NRXN3: variants seen among roughly 807,000 people sequenced by gnomAD.
The protein encoded by NRXN3 is neurexin 3, also known as neurexin III.
Under a neutral mutation model 137.6 loss-of-function variants are expected in NRXN3, and 32 were observed. That is an observed-to-expected ratio of 0.23 (90% confidence interval 0.18 to 0.31). NRXN3 has a LOEUF of 0.31. Among genes scored for constraint, NRXN3 ranks in the 10% least tolerant of loss-of-function variants. NRXN3 has a pLI of 1.00. For synonymous variants in NRXN3, 798 were observed against 784.5 expected, an observed-to-expected ratio of 1.02 and a Z score of -0.29; for missense variants, 1,574 against 2,062.5, an observed-to-expected ratio of 0.76 and a Z score of 4.59.
At chr14:78,674,384 C>T (rs1244101769) in intron 6 of NRXN3, among the ~76,000 whole-genome samples, 1 of 152,190 alleles carries the variant, frequency 6.6e-6, no homozygotes, top group Non-Finnish European at 1.5e-5. Flanking sequence ...ATGCACCCTA[C>T]TCCAAGCACA....
At chr14:79,269,043 C>T (rs765113477) in intron 15 of NRXN3, among the ~76,000 whole-genome samples, 1 of 150,236 alleles carries the variant, frequency 6.7e-6, no homozygotes, top group African/African-American at 2.4e-5. Flanking sequence ...TTTTATTTTT[C>T]TTATTTTATT....
intron 16 of NRXN3, among the ~76,000 whole-genome samples, chr14:79,591,500 G>A (rs1293745018): frequency 6.6e-6 from 1 of 152,126 alleles, no homozygotes. Flanking sequence ...TGAAGCTTAA[G>A]TTAAAACAAA....
chr14:79,215,688 C>T (rs2068385829), intron 15 of NRXN3, among the ~76,000 whole-genome samples: 1 of 152,088 alleles, frequency 6.6e-6, no homozygotes, highest in African/African-American at 2.4e-5. Flanking sequence ...CCCACTGAGT[C>T]CCTCCCGCAA....
At chr14:78,632,584 T>A (rs10147519) in intron 4 of NRXN3, among the ~76,000 whole-genome samples, 14 of 152,272 alleles carry the variant, frequency 9.2e-5, no homozygotes, top group African/African-American at 2.2e-4. Flanking sequence ...CTGGAAATAT[T>A]AGAAGGATTT....
At chr14:79,626,865 T>A (rs2098287241) in intron 16 of NRXN3, among the ~76,000 whole-genome samples, 1 of 152,198 alleles carries the variant, frequency 6.6e-6, no homozygotes, top group East Asian at 1.9e-4. Context: ...TACATAGAAA[T>A]AAATAAAGAA....
chr14:79,754,369 G>A (rs1357779430), intron 19 of NRXN3, among the ~76,000 whole-genome samples: 1 of 150,692 alleles, frequency 6.6e-6, no homozygotes, highest in Non-Finnish European at 1.5e-5. Context: ...TAAAGTACAG[G>A]GAGGATGTGT....
intron 1 of NRXN3, among the ~76,000 whole-genome samples, chr14:78,185,604 A>G (rs767266380): frequency 3.3e-5 from 5 of 152,208 alleles, no homozygotes; most frequent in African/African-American, 4.8e-5. Context: ...TGGGGTTCAC[A>G]TGAGTAAAAT....
intron 19 of NRXN3, among the ~76,000 whole-genome samples, chr14:79,773,529 CA>C (rs1207025676): frequency 6.7e-6 from 1 of 149,276 alleles, no homozygotes; most frequent in Non-Finnish European, 1.5e-5. Context: ...ATCGCAAGAA[CA>C]AACAACCAAA....
chr14:78,863,870 A>C lies in NRXN3; in HGVS notation c.2275+53526A>C, dbSNP rs566476921. 4.6e-5 allele frequency among the ~76,000 whole-genome samples: 7 copies of C among 152,290 alleles called. No homozygotes were observed. The South Asian group carries it at 1.0e-3, about 23-fold the overall frequency. On this transcript the variant is annotated intron_variant, in intron 10 of 20. Coordinates refer to ENST00000335750, the MANE Select transcript of NRXN3 (RefSeq NM_001330195.2). ...ATCATCATTATAAATTCAATGAGTCAGAATGGTTTAATTGAAATTCTTCAT... is the reference window on the plus strand; with the variant it reads ...ATCATCATTATAAATTCAATGAGTCCGAATGGTTTAATTGAAATTCTTCAT...
chr14:79,493,986 A>G (rs1487684217), intron 16 of NRXN3, among the ~76,000 whole-genome samples: 1 of 152,208 alleles, frequency 6.6e-6, no homozygotes, highest in South Asian at 2.1e-4. Flanking sequence ...ATAGGGTCCT[A>G]GTCTTCTTGC....
At position 78,740,834 on chromosome 14, in the gene NRXN3, T is replaced by A. The variant is rs202067067; in HGVS notation, c.2044+25695T>A. 0.013 allele frequency among the ~76,000 whole-genome samples: 1,919 copies of A among 152,292 alleles called. 70 individuals are homozygous for A. The East Asian group carries it at 0.16, about 13-fold the overall frequency. ...ATTTATATTTTTTCTGGTTATGACT[T>A]TTTTTTCTTTTGGTTAGCTCTGATA... On this transcript the variant is annotated intron_variant, in intron 8 of 20. Coordinates refer to ENST00000335750, the MANE Select transcript of NRXN3 (RefSeq NM_001330195.2).
chr14:78,932,326 C>CT (rs1027666638), intron 10 of NRXN3, among the ~76,000 whole-genome samples: 1 of 152,098 alleles, frequency 6.6e-6, no homozygotes, highest in Non-Finnish European at 1.5e-5. Context: ...TTATTTTTCT[C>CT]TGTCAGGTGC....
chr14:79,140,269 G>A (rs2058668510), intron 15 of NRXN3, among the ~76,000 whole-genome samples: 1 of 152,076 alleles, frequency 6.6e-6, no homozygotes, highest in Non-Finnish European at 1.5e-5. Context: ...ACATGAACTG[G>A]AGAACTTTGA....
chr14:79,280,422 C>G (rs1228779493), intron 15 of NRXN3: 15 of 1,614,152 alleles, frequency 9.3e-6, no homozygotes, highest in Non-Finnish European at 1.3e-5. Flanking sequence ...TCCTCCTCCT[C>G]CACCTCTTCC....
intron 11 of NRXN3, among the ~76,000 whole-genome samples, chr14:78,958,266 A>T (rs1273563313): frequency 6.6e-6 from 1 of 152,108 alleles, no homozygotes; most frequent in Non-Finnish European, 1.5e-5. Flanking sequence ...TTCAGACTGA[A>T]TTTGATGGTG....
intron 8 of NRXN3, among the ~76,000 whole-genome samples, chr14:78,791,625 T>C (rs2098805331): frequency 6.6e-6 from 1 of 152,100 alleles, no homozygotes. Flanking sequence ...AAAAAATATA[T>C]GTAATAGAAA....
At chr14:79,429,830 G>A (rs575009378) in intron 15 of NRXN3, among the ~76,000 whole-genome samples, 11 of 152,262 alleles carry the variant, frequency 7.2e-5, no homozygotes, top group African/African-American at 2.6e-4. Flanking sequence ...TGAACCAAGG[G>A]ACTTCAATGC....
At chr14:79,008,044 T>C (rs1260106676) in intron 15 of NRXN3, among the ~76,000 whole-genome samples, 1 of 152,112 alleles carries the variant, frequency 6.6e-6, no homozygotes, top group Non-Finnish European at 1.5e-5. Flanking sequence ...TTTTCCCATG[T>C]GGGAAGTAAA....
intron 16 of NRXN3, among the ~76,000 whole-genome samples, chr14:79,625,751 G>T (rs768536146): frequency 2.6e-5 from 4 of 152,114 alleles, no homozygotes; most frequent in Non-Finnish European, 5.9e-5. Flanking sequence ...TTTATTCCCA[G>T]TTGTCCTGTA....
Sources: gnomAD v4.1 joint callset for allele counts (sites outside exome capture counted in the v4.1 genomes callset) on GRCh38, gnomAD v4.1.1 for gene constraint, MANE v1.5 for transcripts, NCBI Gene and HGNC (gene_info 2026-07-23, HGNC 2026-07-21) for gene names.